The following PJA2 variants were observed in gnomAD, a reference collection of about 807,000 sequenced individuals.
PJA2 encodes the protein praja ring finger ubiquitin ligase 2.
A neutral mutation model predicts 69.3 loss-of-function variants in PJA2; 25 were observed. The ratio of observed to expected loss-of-function variants is 0.36; its 90% CI spans 0.26 to 0.50. The LOEUF (loss-of-function observed/expected upper bound fraction) is 0.50. Ranked by LOEUF, PJA2 falls within the 20% of genes least tolerant of loss-of-function variation. The pLI is 0.96. For missense variants in PJA2, 809 were observed against 830.2 expected, an observed-to-expected ratio of 0.97 and a Z score of 0.31; for synonymous variants, 308 against 277.8, an observed-to-expected ratio of 1.11 and a Z score of -1.08.
chr5:109,380,317 A>C (rs914467132), intron 3 of PJA2, among the ~76,000 whole-genome samples: 1 of 152,098 alleles, frequency 6.6e-6, no homozygotes, highest in African/African-American at 2.4e-5. Flanking sequence ...TGTCTTGTCA[A>C]GTTTGCTTAG....
At chr5:109,363,673 C>A (rs934592102) in intron 5 of PJA2, among the ~76,000 whole-genome samples, 24 of 152,106 alleles carry the variant, frequency 1.6e-4, no homozygotes, top group African/African-American at 5.3e-4. Context: ...CAGTTACTGA[C>A]TACCACATAA....
intron 7 of PJA2, among the ~76,000 whole-genome samples, chr5:109,353,940 A>G (rs962241789): frequency 8.0e-6 from 1 of 125,394 alleles, no homozygotes; most frequent in South Asian, 2.9e-4. Context: ...ATCTAGAGAT[A>G]TCTATAGATT....
intron 7 of PJA2, among the ~76,000 whole-genome samples, chr5:109,353,290 T>C (rs1417680167): frequency 5.7e-5 from 8 of 141,092 alleles, no homozygotes; most frequent in Non-Finnish European, 1.2e-4. Context: ...TAGACATCTA[T>C]ATATTAGATA....
intron 7 of PJA2, among the ~76,000 whole-genome samples, chr5:109,349,495 A>AG (rs568384558): frequency 3.9e-5 from 6 of 152,270 alleles, no homozygotes; most frequent in African/African-American, 1.4e-4. Context: ...TGCACTTAGT[A>AG]GGTGGCAGCC....
At position 109,378,559 on chromosome 5, in the gene PJA2, G is replaced by A; in HGVS notation, c.928C>T (p.Pro310Ser). The A allele has an allele frequency of 6.2e-7, 1 of 1,614,104 alleles. No homozygotes were observed. Residue 310 changes from proline to serine, a missense_variant, in exon 4 of 10, where the codon CCT becomes TCT. Transcript: ENST00000361189. ...NDREKNHGSS[P>S]EQVVRPKVRK... Reference sequence around the variant, plus strand: ...ACTTTTGGCCTCACTACCTGTTCAGGAGAACTTCCATGGTTCTTTTCCCTA... The same window carrying A: ...ACTTTTGGCCTCACTACCTGTTCAGAAGAACTTCCATGGTTCTTTTCCCTA...
chr5:109,339,578 C>T (rs1056003314), intron 9 of PJA2, among the ~76,000 whole-genome samples: 1 of 152,230 alleles, frequency 6.6e-6, no homozygotes, highest in Non-Finnish European at 1.5e-5. Context: ...ATGGACCTCA[C>T]AGACTCAGCC....
intron 1 of PJA2, among the ~76,000 whole-genome samples, chr5:109,397,581 C>T (rs917442202): frequency 3.4e-4 from 52 of 151,958 alleles, no homozygotes; most frequent in Non-Finnish European, 6.2e-4. Flanking sequence ...GGCAGTGGTG[C>T]GATCTTGGCT....
intron 9 of PJA2, 139 bp downstream of exon 9, chr5:109,344,051 C>T (rs917168075): frequency 1.1e-5 from 6 of 537,202 alleles, no homozygotes; most frequent in Admixed American, 4.3e-5. Flanking sequence ...GAGCCGAGAT[C>T]GAACCACTGC....
chr5:109,381,742 T>A (rs769738853), intron 2 of PJA2, 39 bp from the exon 3 acceptor site: 384 of 1,579,634 alleles, frequency 2.4e-4, no homozygotes, highest in Non-Finnish European at 3.2e-4. Context: ...GGAACAGCAA[T>A]GAGCTTTATT....
Position 109,355,944 on chromosome 5 carries a change from G to C in PJA2, c.1735C>G (p.Leu579Val). The C allele has an allele frequency of 6.2e-7, 1 of 1,613,572 alleles. No individual in the cohort carries two copies. Among genetic ancestry groups the C allele is most frequent in the Non-Finnish European group, 8.5e-7 (1 of 1,179,798 alleles). Residue 579 changes from leucine to valine, a missense_variant, in exon 7 of 10, where the codon CTA becomes GTA. Transcript: ENST00000361189. ...ATAGCCTGGGCTAAGCGTTCTTCTA[G>C]TGCCATGTAGGTAAGGAACTGAGGA... ...VDPQFLTYMA[L>V]EERLAQAMET... is the part of the protein sequence containing the mutation.
At chr5:109,341,415 T>A (rs1762054862) in intron 9 of PJA2, among the ~76,000 whole-genome samples, 1 of 137,898 alleles carries the variant, frequency 7.3e-6, no homozygotes, top group Admixed American at 7.1e-5. Flanking sequence ...AACCACCCCG[T>A]CTGAGAAGTG....
At chr5:109,343,375 G>C (rs1221660402) in intron 9 of PJA2, among the ~76,000 whole-genome samples, 1 of 54,994 alleles carries the variant, frequency 1.8e-5, no homozygotes, top group Non-Finnish European at 3.6e-5. Context: ...AAAAAAAAAA[G>C]ATTTATTGGG....
chr5:109,405,884 T>G (rs1249042110), intron 1 of PJA2, among the ~76,000 whole-genome samples: 1 of 151,644 alleles, frequency 6.6e-6, no homozygotes, highest in African/African-American at 2.4e-5. Flanking sequence ...TAAGATGAAT[T>G]TATCAAAATT....
chr5:109,392,041 T>G (rs1747292968), intron 1 of PJA2, among the ~76,000 whole-genome samples: 1 of 152,196 alleles, frequency 6.6e-6, no homozygotes, highest in African/African-American at 2.4e-5. Context: ...ATGGGTTAAA[T>G]GTAATCCTAA....
chr5:109,400,500 C>CG (rs1390477716), intron 1 of PJA2, among the ~76,000 whole-genome samples: 66 of 64,768 alleles, frequency 1.0e-3, no homozygotes, highest in African/African-American at 2.8e-3. Context: ...GGGGGAAGGG[C>CG]GGGGGGGTGT....
At chr5:109,359,520 CA>C in intron 6 of PJA2, among the ~76,000 whole-genome samples, 1 of 152,294 alleles carries the variant, frequency 6.6e-6, no homozygotes, top group East Asian at 1.9e-4. Flanking sequence ...ATATGTACTG[CA>C]AAGGACAAAA....
intron 1 of PJA2, among the ~76,000 whole-genome samples, chr5:109,386,387 T>G (rs1215813751): frequency 6.6e-6 from 1 of 152,082 alleles, no homozygotes. Context: ...TTGGTGCAAA[T>G]GCCTGATAGG....
chr5:109,364,655 C>A (rs1023393512), intron 5 of PJA2, among the ~76,000 whole-genome samples: 1 of 142,014 alleles, frequency 7.0e-6, no homozygotes, highest in African/African-American at 2.5e-5. Flanking sequence ...CAGTGTCATT[C>A]TAAGCATGAT....
intron 7 of PJA2, among the ~76,000 whole-genome samples, chr5:109,354,163 T>A (rs1013055915): frequency 2.2e-4 from 29 of 132,170 alleles, no homozygotes; most frequent in Non-Finnish European, 3.3e-4. Flanking sequence ...CTATGATATC[T>A]AGAGATGTCT....
Sources: allele counts gnomAD v4.1 joint callset (sites outside exome capture counted in the v4.1 genomes callset), GRCh38; gene constraint gnomAD v4.1.1; transcripts MANE v1.5; gene names NCBI Gene and HGNC (gene_info 2026-07-23, HGNC 2026-07-21).